TCOF1: variants seen among roughly 807,000 people sequenced by gnomAD.
TCOF1 encodes treacle protein.
A neutral mutation model predicts 149.0 loss-of-function variants in TCOF1; 33 were observed. That is an observed-to-expected ratio of 0.22 (90% CI 0.17 to 0.30). The LOEUF (loss-of-function observed/expected upper bound fraction) is 0.30. Ranked by LOEUF, TCOF1 falls within the 10% of genes least tolerant of loss-of-function variation. The probability of loss-of-function intolerance (pLI) is 1.00; values close to 1 mark genes in which losing one functional copy is unlikely to be tolerated. For missense variants in TCOF1, 1,728 were observed against 1,840.7 expected, an observed-to-expected ratio of 0.94 and a Z score of 1.12; for synonymous variants, 789 against 738.8, an observed-to-expected ratio of 1.07 and a Z score of -1.10.
chr5:150,394,397 T>A (rs1263329032), intron 23 of TCOF1: 1 of 152,356 alleles, frequency 6.6e-6, no homozygotes, highest in Non-Finnish European at 1.5e-5. Flanking sequence ...GTCTTAACCA[T>A]ACAAAACAGC....
chr5:150,377,765 C>G (rs982412679), intron 14 of TCOF1, among the ~76,000 whole-genome samples: 10 of 152,220 alleles, frequency 6.6e-5, no homozygotes, highest in African/African-American at 2.4e-4. Context: ...ATGCAGCTCA[C>G]TTAAATATTT....
rs1196327868 is a variant in TCOF1, at chr5:150,396,865, C to T, written c.4345+23C>T. 2.5e-6 allele frequency: 4 copies of T among 1,574,334 alleles called. No individual in the cohort carries two copies. In the Admixed American group the frequency reaches 7.5e-5, roughly 30 times the overall value. On this transcript the variant is annotated intron_variant, in intron 24 of 26. Transcript: ENST00000643257. ...AGAGTGAGTGACCGCTTCTCCCAGC[C>T]CACCCCAAGGGCTGCTGGGCACCCC...
chr5:150,376,496 C>G lies in TCOF1; in HGVS notation c.2216C>G (p.Thr739Ser), dbSNP rs752122247. 12 of 1,614,012 alleles carry G rather than the reference C, an allele frequency of 7.4e-6. No individual in the cohort carries two copies. The South Asian group carries it at 1.3e-4, about 18-fold the overall frequency. ...VPVKGSLGQG[T>S]APVLPGKTGP... ...GTCAAGGGGTCCTTGGGGCAAGGGACTGCTCCAGTACTCCCTGGGAAGACG... is the reference window on the plus strand; with the variant it reads ...GTCAAGGGGTCCTTGGGGCAAGGGAGTGCTCCAGTACTCCCTGGGAAGACG... Residue 739 changes from threonine (T) to serine (S), a missense_variant, in exon 14 of 27, where the codon ACT becomes AGT. Transcript: ENST00000643257.
At chr5:150,395,991 C>G (rs983600258) in intron 23 of TCOF1, among the ~76,000 whole-genome samples, 1 of 152,134 alleles carries the variant, frequency 6.6e-6, no homozygotes, top group African/African-American at 2.4e-5. Flanking sequence ...ATTTCAGGCC[C>G]TTTCATTAAC....
intron 17 of TCOF1, among the ~76,000 whole-genome samples, chr5:150,383,367 A>G (rs1765628055): frequency 6.6e-6 from 1 of 152,270 alleles, no homozygotes; most frequent in Non-Finnish European, 1.5e-5. Flanking sequence ...AGTTAAACAT[A>G]CAGGCTTCAG....
At chr5:150,380,252 C>T (rs1163807358) in intron 17 of TCOF1, 2 of 183,088 alleles carry the variant, frequency 1.1e-5, no homozygotes, top group Non-Finnish European at 2.3e-5. Flanking sequence ...CGAAGACTTC[C>T]GTAGCTAAAA....
At chr5:150,379,926 G>T (rs1461689469) in intron 17 of TCOF1, 194 bp downstream of exon 17, 2 of 623,270 alleles carry the variant, frequency 3.2e-6, no homozygotes, top group Admixed American at 4.7e-5. Flanking sequence ...ATAAAAATTA[G>T]CTGGGCATGG....
intron 6 of TCOF1, among the ~76,000 whole-genome samples, chr5:150,370,543 A>G (rs1562318456): frequency 6.6e-6 from 1 of 152,078 alleles, no homozygotes; most frequent in Non-Finnish European, 1.5e-5. Flanking sequence ...TTTTGTGGAG[A>G]CAGGGTTTCA....
chr5:150,365,392 A>G (rs1264290270), intron 3 of TCOF1, among the ~76,000 whole-genome samples: 1 of 151,714 alleles, frequency 6.6e-6, no homozygotes, highest in Admixed American at 6.6e-5. Context: ...TATATTATAT[A>G]TCGCTTAATT....
In TCOF1 at chr5:150,376,071, T is replaced by C. The variant is rs1763724650; in HGVS notation, c.1894-11T>C. 1 of 1,613,934 alleles carries C rather than the reference T, an allele frequency of 6.2e-7. No homozygotes were observed. The highest frequency in any genetic ancestry group is 1.1e-5 in the South Asian group (1 of 91,082). On this transcript the variant is annotated splice_polypyrimidine_tract_variant and intron_variant, in intron 12 of 26. Transcript: ENST00000643257. ...GGAACCTTCTCCAGCCTTTCTTTGG[T>C]GTCCCCTCAGGCAAAACCAGCTCTG...
At chr5:150,372,275 G>C (rs369387660) in intron 7 of TCOF1, 39 bp downstream of exon 7, 1 of 1,548,276 alleles carries the variant, frequency 6.5e-7, no homozygotes, top group Non-Finnish European at 8.8e-7. Flanking sequence ...GAGGACCTGC[G>C]GGTCCCCCAG....
rs764715009 is a variant in TCOF1, at chr5:150,399,003, C to T, written c.4444-19C>T. 2.4e-5 allele frequency: 39 copies of T among 1,614,134 alleles called. No homozygotes were observed. Among genetic ancestry groups the T allele is most frequent in the African/African-American group, 4.0e-5 (3 of 74,942 alleles). On this transcript the variant is annotated intron_variant, in intron 25 of 26. Transcript: ENST00000643257. ...AAAAGCTGCAGGTCTGAGAGCCTCT[C>T]GTACTTCCCTCCTCACAGAAGAAGA... is the stretch of plus-strand genomic sequence containing the variant.
chr5:150,363,648 G>A (rs1760665490), intron 2 of TCOF1, among the ~76,000 whole-genome samples: 1 of 152,172 alleles, frequency 6.6e-6, no homozygotes, highest in Non-Finnish European at 1.5e-5. Flanking sequence ...AAATGAAACA[G>A]GATCACAGGG....
intron 21 of TCOF1, chr5:150,392,504 A>G (rs1275888877): frequency 6.4e-6 from 4 of 623,336 alleles, no homozygotes; most frequent in African/African-American, 1.8e-5. Context: ...AGGCTTTGGC[A>G]TTCAAATGTC....
chr5:150,384,659 T>C, intron 17 of TCOF1: 1 of 966,292 alleles, frequency 1.0e-6, no homozygotes, highest in Non-Finnish European at 1.2e-6. Context: ...GGTATGTTAG[T>C]CCTGAAGATT....
chr5:150,367,830 T>G lies in TCOF1; in HGVS notation c.305-14T>G. 6.2e-7 allele frequency: 1 copy of G among 1,614,082 alleles called. No individual in the cohort carries two copies. The highest frequency in any genetic ancestry group is 8.5e-7 in the Non-Finnish European group (1 of 1,179,988). On this transcript the variant is annotated splice_polypyrimidine_tract_variant and intron_variant, in intron 3 of 26. Transcript: ENST00000643257. ...GCTCATCTGGCTCCTTTAGCAGATG[T>G]TTGTTTCTTGCAGCCCCAAGACTAG...
chr5:150,388,532 T>C (rs1315275594), intron 18 of TCOF1, among the ~76,000 whole-genome samples: 2 of 152,182 alleles, frequency 1.3e-5, no homozygotes, highest in Non-Finnish European at 2.9e-5. Flanking sequence ...TGAGGTTTCT[T>C]TGACTTCTGA....
At chr5:150,361,977 A>G (rs536411737) in intron 2 of TCOF1, among the ~76,000 whole-genome samples, 1 of 152,248 alleles carries the variant, frequency 6.6e-6, no homozygotes, top group East Asian at 1.9e-4. Flanking sequence ...GCTCTGCACC[A>G]TGGTGAGACT....
At chr5:150,383,022 A>G in intron 17 of TCOF1, 1 of 1,473,964 alleles carries the variant, frequency 6.8e-7, no homozygotes, top group South Asian at 1.3e-5. Context: ...CAAATGCCCC[A>G]CTCCCCGACC....
Sources: gnomAD v4.1 joint callset for allele counts (sites outside exome capture counted in the v4.1 genomes callset) on GRCh38, gnomAD v4.1.1 for gene constraint, MANE v1.5 for transcripts, NCBI Gene and HGNC (gene_info 2026-07-23, HGNC 2026-07-21) for gene names.